The following TMEM230 variants were observed in gnomAD, a reference collection of about 807,000 sequenced individuals.
The protein encoded by TMEM230 is transmembrane protein 230, also known as UPF0414 transmembrane protein C20orf30.
TMEM230 carries 10 observed loss-of-function variants against 15.8 expected under a neutral mutation model. The observed-to-expected ratio is 0.63, with a 90% CI of 0.39 to 1.07. The LOEUF is 1.07. Among genes scored for constraint, TMEM230 ranks in the 50% least tolerant of loss-of-function variants. The pLI is 0.01. For missense variants in TMEM230, 165 were observed against 193.3 expected, an observed-to-expected ratio of 0.85 and a Z score of 0.87; for synonymous variants, 67 against 76.9, an observed-to-expected ratio of 0.87 and a Z score of 0.68.
At chr20:5,097,541 T>C (rs1329756868), downstream of TMEM230, among the ~76,000 whole-genome samples, 2 of 152,214 alleles carry the variant, frequency 1.3e-5, no homozygotes, top group Non-Finnish European at 2.9e-5. Context: ...CTACTGTCCA[T>C]ACCCACCTCC....
At chr20:5,069,661 T>C (rs2088761624) in intron 3 of TMEM230, among the ~76,000 whole-genome samples, 1 of 151,916 alleles carries the variant, frequency 6.6e-6, no homozygotes, top group Non-Finnish European at 1.5e-5. Flanking sequence ...TCCTTTCCTC[T>C]CCCCTTTCCT....
intron 3 of TMEM230, among the ~76,000 whole-genome samples, chr20:5,077,458 A>G (rs1310172284): frequency 1.3e-5 from 2 of 150,742 alleles, no homozygotes; most frequent in Non-Finnish European, 3.0e-5. Context: ...TAATCCCAAC[A>G]TTTTGGGAGG....
chr20:5,099,230 ATAAAT>A (rs879472770), downstream of TMEM230, among the ~76,000 whole-genome samples: 977 of 78,158 alleles, frequency 0.013, 6 homozygotes, highest in Middle Eastern at 0.021. Context: ...AAATAAATAA[ATAAAT>A]CAATCAATCA....
At chr20:5,110,322 C>T (rs143630595) in intron 2 of TMEM230, among the ~76,000 whole-genome samples, 6 of 150,792 alleles carry the variant, frequency 4.0e-5, no homozygotes. Context: ...TCTCACTTTG[C>T]TGTCCAGGAT....
At chr20:5,079,650 G>A (rs1480125029) in intron 3 of TMEM230, among the ~76,000 whole-genome samples, 6 of 152,042 alleles carry the variant, frequency 3.9e-5, no homozygotes, top group African/African-American at 1.4e-4. Context: ...TTTTACTAGT[G>A]TAATGAAATA....
intron 3 of TMEM230, among the ~76,000 whole-genome samples, chr20:5,073,712 T>C (rs1192030814): frequency 6.6e-6 from 1 of 152,200 alleles, no homozygotes; most frequent in Non-Finnish European, 1.5e-5. Flanking sequence ...TCTTAGACTG[T>C]CCTCCTTGAA....
intron 3 of TMEM230, among the ~76,000 whole-genome samples, chr20:5,106,621 G>A (rs893162792): frequency 4.6e-5 from 7 of 152,138 alleles, no homozygotes; most frequent in African/African-American, 1.4e-4. Context: ...TGACCTGGCT[G>A]GGCTTGAACT....
chr20:5,079,312 G>A (rs2122584782), intron 3 of TMEM230, among the ~76,000 whole-genome samples: 1 of 152,212 alleles, frequency 6.6e-6, no homozygotes, highest in African/African-American at 2.4e-5. Context: ...ATATCAAAGA[G>A]GTTAAGTATT....
chr20:5,088,393 C>T (rs961175006), intron 3 of TMEM230, among the ~76,000 whole-genome samples: 3 of 151,802 alleles, frequency 2.0e-5, no homozygotes, highest in Non-Finnish European at 4.4e-5. Context: ...GCATTTTCCA[C>T]GGGAGACAGA....
chr20:5,063,201 A>C, the TMEM230 span, among the ~76,000 whole-genome samples: 1 of 151,174 alleles, frequency 6.6e-6, no homozygotes, highest in Non-Finnish European at 1.5e-5. Context: ...GCCCCAGAGG[A>C]CCAAAAGTCT....
intron 3 of TMEM230, among the ~76,000 whole-genome samples, chr20:5,108,250 T>C (rs2090171863): frequency 6.6e-6 from 1 of 151,776 alleles, no homozygotes; most frequent in African/African-American, 2.4e-5. Context: ...AGAAACACTG[T>C]CTCTACTAAA....
chr20:5,080,708 A>G (rs2089153665), intron 3 of TMEM230, among the ~76,000 whole-genome samples: 1 of 152,056 alleles, frequency 6.6e-6, no homozygotes, highest in Admixed American at 6.6e-5. Flanking sequence ...CTGGGTCTAC[A>G]GGCATGCGCC....
At chr20:5,069,407 A>G (rs1283350725) in intron 3 of TMEM230, 2 of 1,472,460 alleles carry the variant, frequency 1.4e-6, no homozygotes, top group Non-Finnish European at 9.0e-7. Flanking sequence ...TCAACCCTCA[A>G]AAAATCCTAA....
At chr20:5,106,384 A>G (rs1424162925) in intron 3 of TMEM230, 74 bp from the exon 3 acceptor site, 3 of 1,476,894 alleles carry the variant, frequency 2.0e-6, no homozygotes, top group East Asian at 4.9e-5. Flanking sequence ...CATTTAATTA[A>G]TTATTTGTAA....
At chr20:5,103,502 A>G (rs1455580597) in intron 4 of TMEM230, among the ~76,000 whole-genome samples, 1 of 151,850 alleles carries the variant, frequency 6.6e-6, no homozygotes, top group Non-Finnish European at 1.5e-5. Context: ...TATACAAAAA[A>G]TGAAAAAAAA....
At chr20:5,062,933 A>G in the TMEM230 span, among the ~76,000 whole-genome samples, 2 of 152,130 alleles carry the variant, frequency 1.3e-5, no homozygotes, top group African/African-American at 2.4e-5. Context: ...TGAAGCACAT[A>G]AAGAGAAGTA....
chr20:5,093,411 C>T (rs910159838), intron 3 of TMEM230, among the ~76,000 whole-genome samples: 1 of 151,978 alleles, frequency 6.6e-6, no homozygotes, highest in Non-Finnish European at 1.5e-5. Flanking sequence ...CCATACCTGG[C>T]TAATTTTTTT....
intron 3 of TMEM230, among the ~76,000 whole-genome samples, chr20:5,082,708 TG>T (rs1230442621): frequency 6.6e-6 from 1 of 152,026 alleles, no homozygotes; most frequent in Admixed American, 6.6e-5. Flanking sequence ...CCTCCCAAAA[TG>T]CTGGGATTAC....
intron 3 of TMEM230, among the ~76,000 whole-genome samples, chr20:5,083,285 A>ATTTTTTTTTTTTTTT (rs71197748): frequency 8.3e-6 from 1 of 119,938 alleles, no homozygotes; most frequent in Non-Finnish European, 1.7e-5. Context: ...GGTTAGGGAG[A>ATTTTTTTTTTTTTTT]TTTTTTTTTT....
Sources: allele counts gnomAD v4.1 joint callset (sites outside exome capture counted in the v4.1 genomes callset), GRCh38; gene constraint gnomAD v4.1.1; transcripts MANE v1.5; gene names NCBI Gene and HGNC (gene_info 2026-07-23, HGNC 2026-07-21).